PRPF38A: variants seen among roughly 807,000 people sequenced by gnomAD.
PRPF38A encodes the protein pre-mRNA-splicing factor 38A.
A neutral mutation model predicts 46.8 loss-of-function variants in PRPF38A; 11 were observed. The observed-to-expected ratio is 0.24, with a 90% CI of 0.15 to 0.39. The LOEUF (loss-of-function observed/expected upper bound fraction) is 0.39, where lower values mean the gene tolerates loss of function less well. Ranked by LOEUF, PRPF38A falls within the 10% of genes least tolerant of loss-of-function variation. PRPF38A has a pLI of 1.00. For synonymous variants in PRPF38A, 124 were observed against 136.2 expected (o/e 0.91, Z 0.62); for missense variants, 261 against 407.5 (o/e 0.64, Z 3.10).
Position 52,412,570 on chromosome 1 carries a change from A to G in PRPF38A, c.555A>G (p.Glu185=), listed in dbSNP as rs370545676. 173 of 1,613,762 alleles carry G rather than the reference A, an allele frequency of 1.1e-4. No homozygotes were observed. The highest frequency in any genetic ancestry group is 1.4e-4 in the Non-Finnish European group (163 of 1,179,800). The change falls in exon 5 of 10, where the codon GAA becomes GAG. Residue 185 remains glutamate, a synonymous_variant. Coordinates refer to ENST00000257181, the MANE Select transcript of PRPF38A (RefSeq NM_032864.4). Reference sequence around the variant, plus strand: ...TGGAGCCTCGAGTTAGTGCTCTGGAAGAGGACATGGATGATGTGGAGTCCA... The same window carrying G: ...TGGAGCCTCGAGTTAGTGCTCTGGAGGAGGACATGGATGATGTGGAGTCCA... ...EQLEPRVSAL[E]EDMDDVESSE...
intron 6 of PRPF38A, 111 bp downstream of exon 6, chr1:52,414,102 A>G (rs765355677): frequency 3.0e-6 from 2 of 674,560 alleles, no homozygotes; most frequent in Non-Finnish European, 5.2e-6. Context: ...TGCCCAATAT[A>G]TTAGTTATCT....
intron 9 of PRPF38A, among the ~76,000 whole-genome samples, 174 bp from the exon 10 acceptor site, chr1:52,416,474 A>G (rs1327095532): frequency 2.0e-5 from 3 of 151,890 alleles, no homozygotes; most frequent in African/African-American, 7.2e-5. Flanking sequence ...ATGCTCGGCT[A>G]ATTTTTGTAC....
At chr1:52,411,797 G>A (rs983619626) in intron 4 of PRPF38A, among the ~76,000 whole-genome samples, 1 of 152,074 alleles carries the variant, frequency 6.6e-6, no homozygotes, top group Non-Finnish European at 1.5e-5. Context: ...TTCCATGTTG[G>A]CACTGTAGGG....
In PRPF38A at chr1:52,408,530, C is replaced by G. The variant is rs184307430; in HGVS notation, c.291-39C>G. On this transcript the variant is annotated intron_variant, in intron 2 of 9. Coordinates refer to ENST00000257181, the MANE Select transcript of PRPF38A (RefSeq NM_032864.4). Reference sequence around the variant, plus strand: ...AGCTAGTTGTAAAACTCAGGAACTTCTAGGATGGCCTGTTGTTTCACTGTC... The same window carrying G: ...AGCTAGTTGTAAAACTCAGGAACTTGTAGGATGGCCTGTTGTTTCACTGTC... 5.5e-4 allele frequency: 889 copies of G among 1,613,458 alleles called. 2 individuals carry two copies. The Middle Eastern group carries it at 6.4e-3, about 12-fold the overall frequency.
chr1:52,407,007 G>T (rs892156241), intron 2 of PRPF38A, among the ~76,000 whole-genome samples: 1 of 152,236 alleles, frequency 6.6e-6, no homozygotes, highest in South Asian at 2.1e-4. Context: ...ATAGGAAAAA[G>T]GGAAGAGGAA....
chr1:52,415,235 C>A, intron 8 of PRPF38A, 103 bp from the exon 9 acceptor site: 1 of 1,205,188 alleles, frequency 8.3e-7, no homozygotes, highest in Non-Finnish European at 1.2e-6. Flanking sequence ...CCTGCATAGG[C>A]CAAAAGAATA....
intron 2 of PRPF38A, among the ~76,000 whole-genome samples, chr1:52,406,075 A>G (rs562542301): frequency 1.6e-4 from 25 of 152,146 alleles, no homozygotes; most frequent in Admixed American, 7.2e-4. Context: ...TGCAACCCCC[A>G]TTTCCTGGGT....
Position 52,404,809 on chromosome 1 carries a change from G to C in PRPF38A, c.60G>C (p.Leu20=). The C allele has an allele frequency of 1.2e-6, 2 of 1,614,204 alleles. No individual in the cohort carries two copies. Among genetic ancestry groups the C allele is most frequent in the Non-Finnish European group, 1.7e-6 (2 of 1,180,012 alleles). ...HSIHGTNPQY[L]VEKIIRTRIY... is the part of the protein sequence containing the mutation. ...TCCATGGCACCAACCCTCAATATCT[G>C]GTGGAGAAGATCATTCGAACGCGAA... The change falls in exon 1 of 10, where the codon CTG becomes CTC. Residue 20 remains leucine, a synonymous_variant. Transcript: ENST00000257181.
In PRPF38A at chr1:52,418,036, G is replaced by A. The variant is rs974110823; in HGVS notation, c.*1346G>A. ...AATGACTTCTGCAACTGTAGTCCCA[G>A]CAGGAACTGTGAAGACCAGCTGCCC... On this transcript the variant is annotated 3_prime_UTR_variant, in exon 10 of 10. Coordinates refer to ENST00000257181, the MANE Select transcript of PRPF38A (RefSeq NM_032864.4). 3 of 152,650 alleles carry A rather than the reference G, an allele frequency of 2.0e-5. No homozygotes were observed. The highest frequency in any genetic ancestry group is 4.4e-5 in the Non-Finnish European group (3 of 68,038). 9.5% of individuals were successfully genotyped at this position (152,650 alleles called of 1,614,324 possible).
rs72899859 is a variant in PRPF38A at position 52,409,875 on chromosome 1, C to A, written c.412+1185C>A. ...TGCATCATAGAATGAGTAGCAGTAT[C>A]TCTAGCCTCTACCCACTAGATGGAA... On this transcript the variant is annotated intron_variant, in intron 3 of 9. Transcript: ENST00000257181. Among the ~76,000 whole-genome samples, 644 of 152,028 alleles carry A rather than the reference C, an allele frequency of 4.2e-3. 5 individuals are homozygous for A. The highest frequency in any genetic ancestry group is 0.015 in the African/African-American group (610 of 41,466).
In PRPF38A at chr1:52,416,938, G is replaced by T; in HGVS notation, c.*248G>T. 2.1e-6 allele frequency: 1 copy of T among 466,408 alleles called. No homozygotes were observed. The highest frequency in any genetic ancestry group is 2.0e-5 in the African/African-American group (1 of 51,044). The allele number at this position is 466,408 out of a possible 1,614,324, so 28.9% of individuals were successfully genotyped here. A position where few individuals can be genotyped will look rare whatever the true frequency, so the allele number is the denominator to read the frequency against. On this transcript the variant is annotated 3_prime_UTR_variant, in exon 10 of 10. Coordinates refer to ENST00000257181, the MANE Select transcript of PRPF38A (RefSeq NM_032864.4). ...TTATGAGAGTATAAAGGATCTGGAG[G>T]TTGGGGATATGACTGACAAGGAAAG... is the stretch of plus-strand genomic sequence containing the variant.
At chr1:52,405,870 A>T in intron 2 of PRPF38A, 31 bp downstream of exon 2, 2 of 1,602,804 alleles carry the variant, frequency 1.2e-6, no homozygotes, top group Non-Finnish European at 1.7e-6. Context: ...CTAATATAAG[A>T]GGTTTAATTT....
chr1:52,412,383 G>GA (rs1350444973), intron 4 of PRPF38A, 131 bp from the exon 5 acceptor site: 9 of 608,834 alleles, frequency 1.5e-5, no homozygotes, highest in Non-Finnish European at 2.6e-5. Flanking sequence ...AACTTGTTAG[G>GA]AAAATCTTGA....
At chr1:52,408,797 C>G (rs1227115084) in intron 3 of PRPF38A, 107 bp downstream of exon 3, 1 of 1,340,046 alleles carries the variant, frequency 7.5e-7, no homozygotes, top group Non-Finnish European at 1.0e-6. Context: ...TCCTTTTCAT[C>G]TACATTGTTA....
intron 3 of PRPF38A, among the ~76,000 whole-genome samples, chr1:52,409,327 G>A (rs1186413763): frequency 6.6e-6 from 1 of 152,154 alleles, no homozygotes; most frequent in African/African-American, 2.4e-5. Flanking sequence ...TTAAGAATTT[G>A]GGGCCAAGCA....
rs1256373839 is a variant in PRPF38A, at chr1:52,414,653, C to T, written c.749+6C>T. Reference sequence around the variant, plus strand: ...CGATCTCCCAAAAGGAGAAGGTAGGCCTTCAGTCATTTGTGATGAAGGATA... The same window carrying T: ...CGATCTCCCAAAAGGAGAAGGTAGGTCTTCAGTCATTTGTGATGAAGGATA... On this transcript the variant is annotated splice_donor_region_variant and intron_variant, in intron 7 of 9. Transcript: ENST00000257181. 1 of 1,613,936 alleles carries T rather than the reference C, an allele frequency of 6.2e-7. No individual in the cohort carries two copies.
At chr1:52,407,052 CTG>C (rs1648016820) in intron 2 of PRPF38A, among the ~76,000 whole-genome samples, 1 of 152,190 alleles carries the variant, frequency 6.6e-6, no homozygotes, top group Non-Finnish European at 1.5e-5. Flanking sequence ...GAGTCTCGCT[CTG>C]TTGCCCAGGC....
chr1:52,409,782 G>A (rs1291614048), intron 3 of PRPF38A, among the ~76,000 whole-genome samples: 2 of 152,000 alleles, frequency 1.3e-5, no homozygotes, highest in South Asian at 2.1e-4. Flanking sequence ...ATTTTATTAC[G>A]TAAAACTAAG....
intron 1 of PRPF38A, among the ~76,000 whole-genome samples, chr1:52,405,212 C>G (rs1569970433): frequency 6.6e-6 from 1 of 152,282 alleles, no homozygotes; most frequent in African/African-American, 2.4e-5. Context: ...CTTTAAGGAC[C>G]TAACGTTAAT....
Sources: allele counts gnomAD v4.1 joint callset (sites outside exome capture counted in the v4.1 genomes callset), GRCh38; gene constraint gnomAD v4.1.1; transcripts MANE v1.5; gene names NCBI Gene and HGNC (gene_info 2026-07-23, HGNC 2026-07-21).